The following DSC3 variants were observed in gnomAD, a reference collection of about 807,000 sequenced individuals.
DSC3 encodes desmocollin 3.
DSC3 carries 97 observed loss-of-function variants against 89.5 expected under a neutral mutation model. The observed-to-expected ratio is 1.08, with a 90% CI of 0.92 to 1.28. The LOEUF (loss-of-function observed/expected upper bound fraction) is 1.28. Among genes scored for constraint, DSC3 ranks in the 50% most tolerant of loss-of-function variants. The pLI is 0.00. For synonymous variants in DSC3, 436 were observed against 384.1 expected (o/e 1.14, Z -1.58); for missense variants, 1,199 against 1,085.3 (o/e 1.10, Z -1.47).
chr18:31,015,371 T>C (rs2144704334), intron 9 of DSC3, among the ~76,000 whole-genome samples: 1 of 152,294 alleles, frequency 6.6e-6, no homozygotes, highest in African/African-American at 2.4e-5. Context: ...AGGTTATAAC[T>C]TCCAATCACC....
chr18:30,994,094 C>A lies in DSC3; in HGVS notation c.*81G>T, dbSNP rs1984367606. ...TGAGAAAAAAATCATCATATACATA[C>A]ATGTTGAAATTGAACTTTACAATAT... On this transcript the variant is annotated 3_prime_UTR_variant, in exon 16 of 16. Transcript: ENST00000360428. 7.6e-7 allele frequency: 1 copy of A among 1,311,798 alleles called. No individual in the cohort carries two copies. Among genetic ancestry groups the A allele is most frequent in the Admixed American group, 1.8e-5 (1 of 56,792 alleles). The allele number at this position is 1,311,798 out of a possible 1,614,324, so 81.3% of individuals were successfully genotyped here.
At chr18:31,001,532 A>G (rs1598599871) in intron 14 of DSC3, 86 bp downstream of exon 14, 3 of 1,475,550 alleles carry the variant, frequency 2.0e-6, no homozygotes, top group South Asian at 2.5e-5. Flanking sequence ...AAAAATATAA[A>G]TTAACTCCTA....
At chr18:31,040,617 G>T (rs1170754747) in intron 1 of DSC3, among the ~76,000 whole-genome samples, 1 of 152,170 alleles carries the variant, frequency 6.6e-6, no homozygotes, top group Non-Finnish European at 1.5e-5. Context: ...CCCTCAACCT[G>T]TTGGGCTGCT....
In DSC3 at chr18:30,990,178, A is replaced by T. The variant is rs1984186345; in HGVS notation, c.*3997T>A. ...TTTAGGTATAGTAACTCATTTAATC[A>T]TTCAACAACCCCATGAGGCTGGCAT... On this transcript the variant is annotated 3_prime_UTR_variant, in exon 16 of 16. Coordinates refer to ENST00000360428, the MANE Select transcript of DSC3 (RefSeq NM_001941.5). 1 of 152,192 alleles carries T rather than the reference A, an allele frequency of 6.6e-6. No individual in the cohort carries two copies. Among genetic ancestry groups the T allele is most frequent in the South Asian group, 2.1e-4 (1 of 4,834 alleles). The allele number at this position is 152,192 out of a possible 1,614,324, so 9.4% of individuals were successfully genotyped here.
At position 31,031,042 on chromosome 18, in the gene DSC3, G is replaced by A. The variant is rs968454405; in HGVS notation, c.285C>T (p.Thr95=). Residue 95 remains threonine, a synonymous_variant, in exon 3 of 16, where the codon ACC becomes ACT. Transcript: ENST00000360428. ...GTTTCCTTTTGTCAGAAAGCCATAT[G>A]GTAAATGATCTTTTCTTATCAGACA... is the stretch of plus-strand genomic sequence containing the variant. The part of the protein sequence containing the change: ...VALSDKKRSF[T]IWLSDKRKQT... 4.3e-6 allele frequency: 7 copies of A among 1,613,904 alleles called. No homozygotes were observed. The Admixed American group carries it at 6.7e-5, about 15-fold the overall frequency.
chr18:30,995,245 A>G (rs1984415760), intron 15 of DSC3, among the ~76,000 whole-genome samples: 1 of 152,166 alleles, frequency 6.6e-6, no homozygotes, highest in African/African-American at 2.4e-5. Context: ...TGACATTGTT[A>G]GCCTTACCTC....
intron 9 of DSC3, among the ~76,000 whole-genome samples, chr18:31,017,323 C>T (rs72922471): frequency 2.0e-5 from 3 of 152,238 alleles, no homozygotes; most frequent in Non-Finnish European, 4.4e-5. Flanking sequence ...AGATAAGCCT[C>T]TTTCAATCAA....
chr18:31,033,804 A>G (rs1245894311), intron 1 of DSC3, among the ~76,000 whole-genome samples: 3 of 152,344 alleles, frequency 2.0e-5, no homozygotes, highest in Non-Finnish European at 2.9e-5. Context: ...AGTGAAAAAT[A>G]CAACAACTCA....
At chr18:31,038,215 A>C (rs1986031248) in intron 1 of DSC3, among the ~76,000 whole-genome samples, 1 of 152,234 alleles carries the variant, frequency 6.6e-6, no homozygotes, top group African/African-American at 2.4e-5. Flanking sequence ...TCCTCATAAA[A>C]TGAGTTAAGA....
chr18:31,035,824 T>C (rs1421706344), intron 1 of DSC3, among the ~76,000 whole-genome samples: 1 of 152,106 alleles, frequency 6.6e-6, no homozygotes, highest in East Asian at 1.9e-4. Flanking sequence ...GGGAATAGAG[T>C]TTTCAGAAGT....
chr18:30,997,809 A>T (rs1271934638), intron 14 of DSC3, among the ~76,000 whole-genome samples: 2 of 152,158 alleles, frequency 1.3e-5, no homozygotes, highest in Non-Finnish European at 2.9e-5. Flanking sequence ...AGGTAACTGG[A>T]AAAACTCTGA....
Position 31,022,345 on chromosome 18 carries a change from C to T in DSC3, c.933G>A (p.Leu311=). ...GGAGTGTGTGAGCTACCTCTCTGTC[C>T]AAATAATGAGAGACTGTGGTGATTA... ...TGVITTVSHY[L]DREVVDKYSL... is the part of the protein sequence containing the mutation. Residue 311 remains leucine, a synonymous_variant, in exon 7 of 16, where the codon TTG becomes TTA. Transcript: ENST00000360428. 1 of 1,613,916 alleles carries T rather than the reference C, an allele frequency of 6.2e-7. No individual in the cohort carries two copies. The highest frequency in any genetic ancestry group is 1.1e-5 in the South Asian group (1 of 91,078).
At chr18:31,039,374 C>A (rs754864293) in intron 1 of DSC3, among the ~76,000 whole-genome samples, 1 of 152,032 alleles carries the variant, frequency 6.6e-6, no homozygotes, top group Non-Finnish European at 1.5e-5. Context: ...TAAAATGACA[C>A]CCTACTTCAG....
intron 9 of DSC3, among the ~76,000 whole-genome samples, chr18:31,014,784 T>G (rs1181548225): frequency 1.3e-5 from 2 of 152,098 alleles, no homozygotes; most frequent in East Asian, 3.9e-4. Flanking sequence ...GTGGGCTTAA[T>G]GAGGTATGGC....
rs1984248394 is a variant in DSC3 at position 30,991,686 on chromosome 18, C to T, written c.*2489G>A. 6.6e-6 allele frequency: 1 copy of T among 152,124 alleles called. No individual in the cohort carries two copies. The highest frequency in any genetic ancestry group is 2.4e-5 in the African/African-American group (1 of 41,420). 9.4% of individuals were successfully genotyped at this position (152,124 alleles called of 1,614,324 possible). A position where few individuals can be genotyped will look rare whatever the true frequency, so the allele number is the denominator to read the frequency against. Reference sequence around the variant, plus strand: ...GTTAGATAAAACTGGCTTCTGGATACAGCAGGAAATTTCAGCAACTAGGCT... The same window carrying T: ...GTTAGATAAAACTGGCTTCTGGATATAGCAGGAAATTTCAGCAACTAGGCT... On this transcript the variant is annotated 3_prime_UTR_variant, in exon 16 of 16. Transcript: ENST00000360428.
At chr18:31,012,175 T>C (rs2144699302) in intron 9 of DSC3, among the ~76,000 whole-genome samples, 2 of 152,254 alleles carry the variant, frequency 1.3e-5, no homozygotes, top group African/African-American at 4.8e-5. Flanking sequence ...AATCAAAATG[T>C]TAGCAGACTA....
intron 1 of DSC3, among the ~76,000 whole-genome samples, chr18:31,034,870 G>GATTGTAGTA (rs367772572): frequency 0.013 from 2,003 of 152,232 alleles, 55 homozygotes; most frequent in African/African-American, 0.046. Flanking sequence ...TCTAAAATTA[G>GATTGTAGTA]ATTATTGCAC....
chr18:31,039,290 A>G (rs565117213), intron 1 of DSC3, among the ~76,000 whole-genome samples: 5 of 152,294 alleles, frequency 3.3e-5, no homozygotes, highest in South Asian at 2.1e-4. Context: ...AACGAAAATT[A>G]AAGGTGTTAT....
intron 5 of DSC3, among the ~76,000 whole-genome samples, chr18:31,025,248 C>T (rs1985558088): frequency 6.6e-6 from 1 of 152,124 alleles, no homozygotes; most frequent in Non-Finnish European, 1.5e-5. Context: ...TGACTATAAG[C>T]TCATCTATAT....
Sources: gnomAD v4.1 joint callset for allele counts (sites outside exome capture counted in the v4.1 genomes callset) on GRCh38, gnomAD v4.1.1 for gene constraint, MANE v1.5 for transcripts, NCBI Gene and HGNC (gene_info 2026-07-23, HGNC 2026-07-21) for gene names.